The following ARHGAP10 variants were observed in gnomAD, a reference collection of about 807,000 sequenced individuals.
The protein encoded by ARHGAP10 is rho GTPase-activating protein 10.
In ARHGAP10, 87 loss-of-function variants were observed where a neutral mutation model predicts 108.6. That is an observed-to-expected ratio of 0.80 (90% CI 0.67 to 0.96). ARHGAP10 has a LOEUF of 0.96. ARHGAP10 is among the 40% of genes least tolerant of loss of function. ARHGAP10 has a pLI of 0.00. For missense variants in ARHGAP10, 939 were observed against 954.5 expected (o/e 0.98, Z 0.21); for synonymous variants, 347 against 341.1 (o/e 1.02, Z -0.19).
At chr4:148,005,379 T>C (rs1740905298) in intron 18 of ARHGAP10, among the ~76,000 whole-genome samples, 2 of 152,096 alleles carry the variant, frequency 1.3e-5, no homozygotes, top group South Asian at 4.1e-4. Flanking sequence ...AGCCCAGGAG[T>C]TTGAGACCAC....
chr4:147,947,737 G>T (rs919062027), intron 15 of ARHGAP10, among the ~76,000 whole-genome samples: 1 of 152,034 alleles, frequency 6.6e-6, no homozygotes, highest in Non-Finnish European at 1.5e-5. Flanking sequence ...ACATAGGGTT[G>T]TTTTTCAGGT....
intron 1 of ARHGAP10, among the ~76,000 whole-genome samples, chr4:147,783,554 A>G (rs1016661561): frequency 1.5e-5 from 2 of 132,884 alleles, no homozygotes; most frequent in Admixed American, 1.4e-4. Context: ...AATTTATAGA[A>G]CACACATTAA....
intron 5 of ARHGAP10, among the ~76,000 whole-genome samples, chr4:147,860,666 A>T (rs954792461): frequency 6.6e-6 from 1 of 152,076 alleles, no homozygotes; most frequent in Non-Finnish European, 1.5e-5. Context: ...TTTGAAGTCT[A>T]TTTTTTCTTC....
chr4:147,750,663 G>A (rs566205927), intron 1 of ARHGAP10, among the ~76,000 whole-genome samples: 49 of 151,254 alleles, frequency 3.2e-4, no homozygotes, highest in African/African-American at 9.5e-4. Context: ...GTGCAGTGGC[G>A]TGATCTCAGC....
chr4:147,740,461 GATT>G (rs1368098611), intron 1 of ARHGAP10, among the ~76,000 whole-genome samples: 1 of 152,160 alleles, frequency 6.6e-6, no homozygotes, highest in Non-Finnish European at 1.5e-5. Flanking sequence ...AATCGATCTT[GATT>G]ATCTAGAGTG....
intron 20 of ARHGAP10, among the ~76,000 whole-genome samples, chr4:148,047,414 ACTGT>A (rs1728938659): frequency 6.6e-6 from 1 of 152,188 alleles, no homozygotes; most frequent in Admixed American, 6.5e-5. Context: ...GACTCTTGAA[ACTGT>A]CTGTAGAATG....
intron 1 of ARHGAP10, among the ~76,000 whole-genome samples, chr4:147,780,825 C>A (rs1394134554): frequency 3.3e-5 from 5 of 152,252 alleles, no homozygotes; most frequent in Middle Eastern, 6.8e-3. Context: ...GTGCTGCCGG[C>A]ATGGCATCCT....
intron 1 of ARHGAP10, among the ~76,000 whole-genome samples, chr4:147,773,417 C>A (rs1730154675): frequency 6.6e-6 from 1 of 152,092 alleles, no homozygotes; most frequent in Non-Finnish European, 1.5e-5. Flanking sequence ...TGGAATGTTA[C>A]CCTCCATAGC....
At position 147,912,645 on chromosome 4, in the gene ARHGAP10, C is replaced by CTTT. The variant is rs70958594; in HGVS notation, c.1163-406_1163-404dup. Among the ~76,000 whole-genome samples the CTTT allele has an allele frequency of 2.5e-3, 87 of 35,316 alleles. 31 individuals carry two copies. The highest frequency in any genetic ancestry group is 3.5e-3 in the African/African-American group (27 of 7,686). The allele number at this position is 35,316 out of a possible 152,430, so 23.2% of individuals were successfully genotyped here. A position where few individuals can be genotyped will look rare whatever the true frequency, so the allele number is the denominator to read the frequency against. On this transcript the variant is annotated intron_variant, in intron 12 of 22. Transcript: ENST00000336498. ...TAAATAGGAAATACATAGCCTTAAGCTTTTTTTTTTTTTTTTTTTTTTTTT... is the reference window on the plus strand; with the variant it reads ...TAAATAGGAAATACATAGCCTTAAGCTTTTTTTTTTTTTTTTTTTTTTTTTTTT...
intron 19 of ARHGAP10, among the ~76,000 whole-genome samples, chr4:148,031,957 G>C (rs536500409): frequency 6.6e-6 from 1 of 152,196 alleles, no homozygotes; most frequent in Admixed American, 6.5e-5. Context: ...ACAAACATCT[G>C]GTCATGGATT....
intron 11 of ARHGAP10, 81 bp downstream of exon 11, chr4:147,906,800 T>C (rs1736515448): frequency 2.6e-6 from 4 of 1,552,858 alleles, no homozygotes; most frequent in Non-Finnish European, 3.5e-6. Flanking sequence ...TTTTGTGTAG[T>C]ATTTGAGAAA....
intron 1 of ARHGAP10, among the ~76,000 whole-genome samples, chr4:147,759,881 G>A (rs1367223364): frequency 6.6e-6 from 1 of 151,898 alleles, no homozygotes; most frequent in Non-Finnish European, 1.5e-5. Flanking sequence ...CCTGAGTAGC[G>A]GGGATTACAG....
intron 10 of ARHGAP10, among the ~76,000 whole-genome samples, chr4:147,899,012 C>T (rs929253952): frequency 5.3e-5 from 8 of 152,160 alleles, no homozygotes; most frequent in Non-Finnish European, 8.8e-5. Context: ...CCAGGCAGGC[C>T]ATGCCATCTC....
At chr4:148,019,923 G>A (rs1741501320) in intron 18 of ARHGAP10, among the ~76,000 whole-genome samples, 1 of 152,164 alleles carries the variant, frequency 6.6e-6, no homozygotes, top group Non-Finnish European at 1.5e-5. Context: ...TGCTAATACA[G>A]GTTGAGTATC....
chr4:147,859,210 G>T (rs1441222927), intron 5 of ARHGAP10, among the ~76,000 whole-genome samples: 1 of 150,876 alleles, frequency 6.6e-6, no homozygotes, highest in Non-Finnish European at 1.5e-5. Context: ...TTTATTAAAA[G>T]TTTTTCCTGA....
At chr4:147,948,358 C>T (rs1738467756) in intron 15 of ARHGAP10, among the ~76,000 whole-genome samples, 1 of 152,022 alleles carries the variant, frequency 6.6e-6, no homozygotes, top group Non-Finnish European at 1.5e-5. Flanking sequence ...AATTAATATC[C>T]AGCATTCAGT....
rs112137290 is a variant in ARHGAP10, at chr4:147,765,125, A to G, written c.154+32670A>G. 4.8e-4 allele frequency among the ~76,000 whole-genome samples: 73 copies of G among 152,262 alleles called. 1 individual carries two copies. The highest frequency in any genetic ancestry group is 1.7e-3 in the African/African-American group (70 of 41,550). On this transcript the variant is annotated intron_variant, in intron 1 of 22. Transcript: ENST00000336498. ...GTGGACTAATGATGGACCATGTTGG[A>G]CAGGGAAATGGGGAAATCTAGGAGT...
intron 1 of ARHGAP10, among the ~76,000 whole-genome samples, chr4:147,743,331 G>A (rs1299968716): frequency 6.6e-6 from 1 of 152,196 alleles, no homozygotes; most frequent in East Asian, 1.9e-4. Flanking sequence ...GCGCCCAGCC[G>A]ATAGTTTTGT....
chr4:148,002,342 A>C (rs1688385243), intron 18 of ARHGAP10, among the ~76,000 whole-genome samples: 1 of 152,122 alleles, frequency 6.6e-6, no homozygotes, highest in Admixed American at 6.5e-5. Context: ...TTTTTGCATC[A>C]ATGTTCATCA....
Sources: allele counts gnomAD v4.1 joint callset (sites outside exome capture counted in the v4.1 genomes callset), GRCh38; gene constraint gnomAD v4.1.1; transcripts MANE v1.5; gene names NCBI Gene and HGNC (gene_info 2026-07-23, HGNC 2026-07-21).